The following KIF6 variants were observed in gnomAD, a reference collection of about 807,000 sequenced individuals.
KIF6 encodes the protein kinesin family member 6.
In KIF6, 106 loss-of-function variants were observed where a neutral mutation model predicts 112.7. The ratio of observed to expected loss-of-function variants is 0.94; its 90% CI spans 0.80 to 1.11. The LOEUF (loss-of-function observed/expected upper bound fraction) is 1.11. Among genes scored for constraint, KIF6 ranks in the 50% least tolerant of loss-of-function variants. The pLI is 0.00. For synonymous variants in KIF6, 339 were observed against 339.9 expected (o/e 1.00, Z 0.03); for missense variants, 929 against 964.0 (o/e 0.96, Z 0.48).
intron 3 of KIF6, among the ~76,000 whole-genome samples, chr6:39,684,972 C>T (rs1787770327): frequency 6.6e-6 from 1 of 152,058 alleles, no homozygotes; most frequent in Admixed American, 6.6e-5. Flanking sequence ...CTCAGCAGGG[C>T]AGAGAAGACA....
At chr6:39,460,549 A>G (rs1484620145) in intron 13 of KIF6, among the ~76,000 whole-genome samples, 2 of 149,804 alleles carry the variant, frequency 1.3e-5, no homozygotes, top group Non-Finnish European at 3.0e-5. Context: ...AAAAAAAAAA[A>G]AAAAAAAAAA....
chr6:39,609,710 ATGT>A (rs1272491305), intron 6 of KIF6, among the ~76,000 whole-genome samples: 5 of 152,198 alleles, frequency 3.3e-5, no homozygotes, highest in Non-Finnish European at 2.9e-5. Flanking sequence ...GAATTTTCAA[ATGT>A]TGTGGTGTTG....
At chr6:39,624,168 G>C (rs1159509943) in intron 5 of KIF6, among the ~76,000 whole-genome samples, 1 of 152,132 alleles carries the variant, frequency 6.6e-6, no homozygotes, top group African/African-American at 2.4e-5. Context: ...TGGGATAGTC[G>C]AGTGTGGTGC....
At chr6:39,583,350 A>G (rs1170852860) in intron 9 of KIF6, 1 of 469,090 alleles carries the variant, frequency 2.1e-6, no homozygotes. Flanking sequence ...TTGACTTTGC[A>G]TGCTGTCTCC....
At position 39,584,892 on chromosome 6, in the gene KIF6, G is replaced by C. The variant is rs747409618; in HGVS notation, c.1077+6C>G. 6.4e-7 allele frequency: 1 copy of C among 1,555,768 alleles called. No homozygotes were observed. Among genetic ancestry groups the C allele is most frequent in the Non-Finnish European group, 8.8e-7 (1 of 1,130,454 alleles). On this transcript the variant is annotated splice_donor_region_variant and intron_variant, in intron 9 of 22. Transcript: ENST00000287152. ...ATTTTTTAAAATATCGTTAAAAGTT[G>C]CTTACTAATCTGGGGTTAATTTCTT...
intron 13 of KIF6, among the ~76,000 whole-genome samples, chr6:39,491,185 T>C (rs1343886811): frequency 6.6e-6 from 1 of 152,166 alleles, no homozygotes; most frequent in Non-Finnish European, 1.5e-5. Flanking sequence ...GCTCCTGTCT[T>C]GTTAGCTGGA....
chr6:39,425,642 T>C (rs1464318282), intron 14 of KIF6, among the ~76,000 whole-genome samples: 2 of 147,646 alleles, frequency 1.4e-5, no homozygotes, highest in African/African-American at 5.0e-5. Context: ...CAAATTGTCA[T>C]TCACAAACAA....
intron 7 of KIF6, among the ~76,000 whole-genome samples, chr6:39,595,114 G>A (rs1782180178): frequency 6.6e-6 from 1 of 152,112 alleles, no homozygotes; most frequent in African/African-American, 2.4e-5. Context: ...AAGCTACAAG[G>A]CTAACAGAAC....
chr6:39,631,315 T>C (rs182010324), intron 5 of KIF6, among the ~76,000 whole-genome samples: 1 of 152,056 alleles, frequency 6.6e-6, no homozygotes, highest in Non-Finnish European at 1.5e-5. Context: ...AGTATTTCCA[T>C]ACTATATTGA....
chr6:39,701,262 G>C (rs1470751911), intron 3 of KIF6, among the ~76,000 whole-genome samples: 4 of 152,182 alleles, frequency 2.6e-5, no homozygotes, highest in African/African-American at 9.7e-5. Flanking sequence ...GGCAAGTCCT[G>C]GTCCAGCCCC....
intron 15 of KIF6, among the ~76,000 whole-genome samples, chr6:39,408,986 CAGCTCCATCCCTTACT>C (rs967568678): frequency 2.6e-5 from 4 of 152,120 alleles, no homozygotes; most frequent in South Asian, 2.1e-4. Context: ...CCTTTATTGT[CAGCTCCATCCCTTACT>C]AGCTCCATCC....
chr6:39,417,574 A>C (rs913917099), intron 15 of KIF6, among the ~76,000 whole-genome samples: 1 of 152,210 alleles, frequency 6.6e-6, no homozygotes, highest in Non-Finnish European at 1.5e-5. Context: ...ATCAAATGAC[A>C]GCCCTCAGTT....
rs201826611 is a variant in KIF6, at chr6:39,540,147, G to A, written c.1501C>T (p.Arg501Cys). ...EALHLAGMDR[R>C]EFRQSQSPPF... is the part of the protein sequence containing the mutation. ...GGGCTCTGGGACTGTCTGAATTCAC[G>A]TCTATCCATGCCAGCCAAGTGGAGA... The change falls in exon 13 of 23, where the codon CGT becomes TGT. Residue 501 changes from arginine to cysteine, a missense_variant. By Grantham distance (180) the Arg-to-Cys change is radical. Around this residue, in one of 2 missense-constraint regions of KIF6, gnomAD observed 688 missense variants for 662.7 expected, o/e 1.04. Transcript: ENST00000287152. 5.1e-5 allele frequency: 83 copies of A among 1,614,088 alleles called. 1 individual carries two copies. The highest frequency in any genetic ancestry group is 1.6e-4 in the Middle Eastern group (1 of 6,062).
At chr6:39,373,458 A>T (rs1038779051) in intron 16 of KIF6, among the ~76,000 whole-genome samples, 2 of 152,204 alleles carry the variant, frequency 1.3e-5, no homozygotes, top group African/African-American at 2.4e-5. Flanking sequence ...ACTTGAGTTT[A>T]TATATAGAAA....
At chr6:39,469,376 C>T (rs1773986138) in intron 13 of KIF6, among the ~76,000 whole-genome samples, 1 of 151,876 alleles carries the variant, frequency 6.6e-6, no homozygotes, top group Non-Finnish European at 1.5e-5. Context: ...CAGAGATTGT[C>T]ACATGAGATT....
chr6:39,530,179 A>G (rs918805740), intron 13 of KIF6, among the ~76,000 whole-genome samples: 3 of 152,190 alleles, frequency 2.0e-5, no homozygotes, highest in African/African-American at 2.4e-5. Flanking sequence ...CAGGGACTCA[A>G]CAAATTCTCA....
At position 39,679,066 on chromosome 6, in the gene KIF6, T is replaced by C. The variant is rs1017760792; in HGVS notation, c.251+35626A>G. 2.6e-5 allele frequency among the ~76,000 whole-genome samples: 4 copies of C among 152,234 alleles called. No individual in the cohort carries two copies. The East Asian group carries it at 5.8e-4, about 22-fold the overall frequency. ...CAAAGCACACGTTGAAATAATATGTTGGGCTAAATTTACAACTAACATCTT... is the reference window on the plus strand; with the variant it reads ...CAAAGCACACGTTGAAATAATATGTCGGGCTAAATTTACAACTAACATCTT... On this transcript the variant is annotated intron_variant, in intron 3 of 22. Coordinates refer to ENST00000287152, the MANE Select transcript of KIF6 (RefSeq NM_145027.6).
At chr6:39,564,825 G>T (rs1320888792) in intron 10 of KIF6, among the ~76,000 whole-genome samples, 1 of 152,182 alleles carries the variant, frequency 6.6e-6, no homozygotes, top group African/African-American at 2.4e-5. Flanking sequence ...AAAAGAAGTA[G>T]AATTTATTCC....
chr6:39,342,598 T>G lies in KIF6; in HGVS notation c.2428+1111A>C. ...ACTTGGAGATCACTGAATCCAGTTT[T>G]TTATTTTTTTTTATTTTTTTTTATT... On this transcript the variant is annotated intron_variant, in intron 22 of 22. Transcript: ENST00000287152. The surrounding 1 kb of genome is among the most constrained non-coding windows in gnomAD (Gnocchi z 4.7). 1.0e-5 allele frequency among the ~76,000 whole-genome samples: 1 copy of G among 100,402 alleles called. No individual in the cohort carries two copies. The highest frequency in any genetic ancestry group is 1.9e-5 in the Non-Finnish European group (1 of 52,978). The allele number at this position is 100,402 out of a possible 152,430, so 65.9% of individuals were successfully genotyped here.
Sources: gnomAD v4.1 joint callset for allele counts (sites outside exome capture counted in the v4.1 genomes callset) on GRCh38, gnomAD v4.1.1 for gene constraint, gnomAD v4.1.1 regional missense constraint, Gnocchi (gnomAD v3.1) non-coding constraint, MANE v1.5 for transcripts, NCBI Gene and HGNC (gene_info 2026-07-23, HGNC 2026-07-21) for gene names.